The following LURAP1L variants were observed in gnomAD, a reference collection of about 807,000 sequenced individuals.
The protein encoded by LURAP1L is leucine rich adaptor protein 1 like, also known as leucine rich adaptor protein 1-like.
In LURAP1L, 12 loss-of-function variants were observed where a neutral mutation model predicts 13.8. The ratio of observed to expected loss-of-function variants is 0.87; its 90% confidence interval spans 0.56 to 1.41. The LOEUF (loss-of-function observed/expected upper bound fraction) is 1.41. Among genes scored for constraint, LURAP1L ranks in the 40% most tolerant of loss-of-function variants. The pLI is 0.00. For synonymous variants in LURAP1L, 139 were observed against 119.2 expected (o/e 1.17, Z -1.08); for missense variants, 375 against 292.9 (o/e 1.28, Z -2.04).
chr9:12,800,837 G>T (rs147074394), intron 1 of LURAP1L, among the ~76,000 whole-genome samples: 128 of 152,156 alleles, frequency 8.4e-4, no homozygotes, highest in African/African-American at 3.0e-3. Flanking sequence ...AAATTACCCC[G>T]TCTCAGGTAT....
intron 1 of LURAP1L, among the ~76,000 whole-genome samples, chr9:12,815,658 T>G (rs1272413977): frequency 1.3e-5 from 2 of 152,156 alleles, no homozygotes; most frequent in Non-Finnish European, 2.9e-5. Context: ...TTTATCTGAC[T>G]AGTTGACATT....
intron 1 of LURAP1L, among the ~76,000 whole-genome samples, chr9:12,810,928 C>T (rs1295847686): frequency 2.6e-5 from 4 of 152,116 alleles, no homozygotes; most frequent in Non-Finnish European, 5.9e-5. Context: ...TAAAGTATTT[C>T]AAATATTACC....
chr9:12,788,090 T>A (rs1819383274), intron 1 of LURAP1L, among the ~76,000 whole-genome samples: 1 of 143,526 alleles, frequency 7.0e-6, no homozygotes, highest in Non-Finnish European at 1.5e-5. Flanking sequence ...CCAGCCTTGG[T>A]GACAGAGCGA....
chr9:12,793,427 G>A (rs1433529710), intron 1 of LURAP1L, among the ~76,000 whole-genome samples: 1 of 152,044 alleles, frequency 6.6e-6, no homozygotes, highest in Non-Finnish European at 1.5e-5. Flanking sequence ...TATAGAATTA[G>A]ACCGATGCAT....
chr9:12,775,450 A>G lies in LURAP1L; in HGVS notation c.-266A>G. 1 of 422,224 alleles carries G rather than the reference A, an allele frequency of 2.4e-6. No individual in the cohort carries two copies. The highest frequency in any genetic ancestry group is 3.9e-5 in the East Asian group (1 of 25,382). 26.2% of individuals were successfully genotyped at this position (422,224 alleles called of 1,614,324 possible). On this transcript the variant is annotated 5_prime_UTR_variant, in exon 1 of 2. Coordinates refer to ENST00000319264, the MANE Select transcript of LURAP1L (RefSeq NM_203403.2). ...CTCAACTTTGCAGTGAGGTGGCCAA[A>G]AAGAGAGAGAATGAGGAGATCTTGA...
At chr9:12,799,873 CAAA>C (rs58987082) in intron 1 of LURAP1L, among the ~76,000 whole-genome samples, 2 of 82,522 alleles carry the variant, frequency 2.4e-5, no homozygotes, top group Non-Finnish European at 2.6e-5. Flanking sequence ...GACTCCGTCT[CAAA>C]AAAAAAAAAA....
intron 1 of LURAP1L, chr9:12,777,372 A>G (rs1205224321): frequency 2.2e-5 from 22 of 985,232 alleles, no homozygotes; most frequent in Non-Finnish European, 2.5e-5. Context: ...ACGTGTGGAG[A>G]CTAACAGGTA....
At chr9:12,794,400 C>G (rs1288141358) in intron 1 of LURAP1L, among the ~76,000 whole-genome samples, 1 of 151,878 alleles carries the variant, frequency 6.6e-6, no homozygotes, top group Non-Finnish European at 1.5e-5. Context: ...TCAACAAGAT[C>G]AAATAACTTG....
At chr9:12,791,366 C>CT (rs1290069152) in intron 1 of LURAP1L, among the ~76,000 whole-genome samples, 7 of 152,030 alleles carry the variant, frequency 4.6e-5, no homozygotes, top group Non-Finnish European at 8.8e-5. Context: ...TCTACGTGAA[C>CT]CTTTTAAATA....
intron 1 of LURAP1L, among the ~76,000 whole-genome samples, chr9:12,810,619 C>A (rs558792040): frequency 1.2e-4 from 18 of 152,124 alleles, no homozygotes; most frequent in Non-Finnish European, 1.6e-4. Flanking sequence ...AGGCATCTAG[C>A]TAAGTACAGG....
intron 1 of LURAP1L, among the ~76,000 whole-genome samples, chr9:12,792,900 A>G (rs1300690484): frequency 6.6e-6 from 1 of 152,048 alleles, no homozygotes. Context: ...ACTAGTTCCA[A>G]TTATTCCTTA....
chr9:12,813,038 C>T (rs4111024), intron 1 of LURAP1L, among the ~76,000 whole-genome samples: 1 of 151,826 alleles, frequency 6.6e-6, no homozygotes, highest in Admixed American at 6.6e-5. Context: ...ATTTTAATTA[C>T]GTCTAGAAAA....
At chr9:12,798,157 T>C (rs1819534055) in intron 1 of LURAP1L, among the ~76,000 whole-genome samples, 1 of 152,172 alleles carries the variant, frequency 6.6e-6, no homozygotes, top group African/African-American at 2.4e-5. Context: ...AAATTTTAAG[T>C]GTAATATTAG....
intron 1 of LURAP1L, among the ~76,000 whole-genome samples, chr9:12,781,261 G>A (rs1819266061): frequency 6.6e-6 from 1 of 152,198 alleles, no homozygotes; most frequent in Admixed American, 6.5e-5. Flanking sequence ...GTGAGCCACT[G>A]TGCCCGGCCC....
chr9:12,811,909 C>T (rs775157995), intron 1 of LURAP1L, among the ~76,000 whole-genome samples: 4 of 152,144 alleles, frequency 2.6e-5, no homozygotes, highest in African/African-American at 7.2e-5. Flanking sequence ...TCTCAAGGCT[C>T]GATCCAGGGA....
At chr9:12,791,691 TAC>T (rs111521632) in intron 1 of LURAP1L, among the ~76,000 whole-genome samples, 20,497 of 147,426 alleles carry the variant, frequency 0.14, 1,489 homozygotes, top group African/African-American at 0.19. Context: ...CCCTTCTTTT[TAC>T]ACACACACAC....
rs766155513 is a variant in LURAP1L, at chr9:12,821,749, T to C, written c.676T>C (p.Cys226Arg). The C allele has an allele frequency of 4.3e-6, 7 of 1,609,542 alleles. No homozygotes were observed. In the South Asian group the frequency reaches 5.5e-5, roughly 13 times the overall value. Residue 226 changes from cysteine to arginine, a missense_variant, in exon 2 of 2, where the codon TGC becomes CGC. Cys to Arg is a radical substitution (Grantham distance 180, BLOSUM62 -3). Transcript: ENST00000319264. Reference sequence around the variant, plus strand: ...TCCTAAATTGGATTCTGAATACTACTGCTTTGGCTAGTGACAGTTTTTTGC... The same window carrying C: ...TCCTAAATTGGATTCTGAATACTACCGCTTTGGCTAGTGACAGTTTTTTGC... ...KRPKLDSEYY[C>R]FG is the part of the protein sequence containing the mutation.
chr9:12,785,135 G>A (rs560840439), intron 1 of LURAP1L, among the ~76,000 whole-genome samples: 1 of 152,112 alleles, frequency 6.6e-6, no homozygotes. Context: ...TCTGGCCCAG[G>A]GTGTGTCTAG....
At chr9:12,816,763 C>T (rs2118549214) in intron 1 of LURAP1L, among the ~76,000 whole-genome samples, 1 of 152,246 alleles carries the variant, frequency 6.6e-6, no homozygotes, top group African/African-American at 2.4e-5. Context: ...ACATCATAAT[C>T]CTGAAGCCTG....
Sources: gnomAD v4.1 joint callset for allele counts (sites outside exome capture counted in the v4.1 genomes callset) on GRCh38, gnomAD v4.1.1 for gene constraint, MANE v1.5 for transcripts, NCBI Gene and HGNC (gene_info 2026-07-23, HGNC 2026-07-21) for gene names.